The following PTPRG variants were observed in gnomAD, a reference collection of about 807,000 sequenced individuals.
PTPRG encodes receptor-type tyrosine-protein phosphatase gamma.
PTPRG carries 102 observed loss-of-function variants against 165.3 expected under a neutral mutation model. The ratio of observed to expected loss-of-function variants is 0.62; its 90% CI spans 0.53 to 0.73. The LOEUF (loss-of-function observed/expected upper bound fraction) is 0.73, where lower values mean the gene tolerates loss of function less well. PTPRG is among the 30% of genes least tolerant of loss of function. The pLI, the probability that PTPRG is intolerant of heterozygous loss-of-function variation, is 0.00. For missense variants in PTPRG, 1,866 were observed against 1,861.4 expected (o/e 1.00, Z -0.05); for synonymous variants, 675 against 669.5 (o/e 1.01, Z -0.13).
chr3:62,000,762 C>G (rs2041154995), intron 3 of PTPRG, among the ~76,000 whole-genome samples: 1 of 152,172 alleles, frequency 6.6e-6, no homozygotes, highest in Non-Finnish European at 1.5e-5. Context: ...AGAGTTACAC[C>G]TGTGTGGCCA....
In PTPRG at chr3:62,219,028, TG is replaced by T; in HGVS notation, c.2288+47del. 1 of 1,605,642 alleles carries T rather than the reference TG, an allele frequency of 6.2e-7. No homozygotes were observed. Among genetic ancestry groups the T allele is most frequent in the Non-Finnish European group, 8.5e-7 (1 of 1,175,858 alleles). On this transcript the variant is annotated intron_variant, in intron 13 of 29. Transcript: ENST00000474889. The surrounding 1 kb of genome is among the most constrained non-coding windows in gnomAD (Gnocchi z 4.5). Reference sequence around the variant, plus strand: ...CAGCGTAGATTTGGGGGCCAGATGCTGGCCAGGTTTTGCTCACGGGAGGGGA... The same window carrying T: ...CAGCGTAGATTTGGGGGCCAGATGCTGCCAGGTTTTGCTCACGGGAGGGGA...
At chr3:62,120,326 A>G (rs1213751554) in intron 5 of PTPRG, among the ~76,000 whole-genome samples, 1 of 75,182 alleles carries the variant, frequency 1.3e-5, no homozygotes, top group Non-Finnish European at 3.4e-5. Flanking sequence ...TGCATTTAGG[A>G]GGTAGAATCT....
chr3:61,584,442 T>A (rs938824169), intron 1 of PTPRG, among the ~76,000 whole-genome samples: 5 of 152,184 alleles, frequency 3.3e-5, no homozygotes, highest in Non-Finnish European at 7.3e-5. Context: ...TGTCCCTCGC[T>A]CCATTTCCTT....
chr3:61,738,058 G>A (rs1302387932), intron 1 of PTPRG, among the ~76,000 whole-genome samples: 3 of 149,952 alleles, frequency 2.0e-5, no homozygotes, highest in African/African-American at 7.3e-5. Flanking sequence ...ACAGGCGCCC[G>A]CTACCGCACC....
intron 2 of PTPRG, among the ~76,000 whole-genome samples, chr3:61,988,314 T>G (rs2040808058): frequency 6.6e-6 from 1 of 152,208 alleles, no homozygotes; most frequent in African/African-American, 2.4e-5. Context: ...GAAAATACTT[T>G]CTGTGATTGT....
At chr3:61,631,692 A>G (rs1701778981) in intron 1 of PTPRG, among the ~76,000 whole-genome samples, 1 of 152,218 alleles carries the variant, frequency 6.6e-6, no homozygotes, top group Non-Finnish European at 1.5e-5. Context: ...TGTGTTTTCA[A>G]AAGTAGTTTA....
chr3:61,641,462 G>A (rs1173760964), intron 1 of PTPRG, among the ~76,000 whole-genome samples: 3 of 152,174 alleles, frequency 2.0e-5, no homozygotes, highest in South Asian at 2.1e-4. Context: ...GGGAGAGAAA[G>A]TTTTCACATG....
intron 4 of PTPRG, among the ~76,000 whole-genome samples, chr3:62,040,939 G>A (rs1014274979): frequency 6.6e-5 from 10 of 152,166 alleles, no homozygotes; most frequent in African/African-American, 2.4e-4. Flanking sequence ...GAGGCAACAT[G>A]GGAGACAGAC....
intron 2 of PTPRG, chr3:61,769,311 C>G (rs1300890252): frequency 6.6e-6 from 1 of 151,990 alleles, no homozygotes; most frequent in Non-Finnish European, 1.5e-5. Context: ...CTCTGTCGCC[C>G]AGGCTGGAGT....
At chr3:61,759,283 T>C (rs540411039) in intron 2 of PTPRG, among the ~76,000 whole-genome samples, 1 of 152,362 alleles carries the variant, frequency 6.6e-6, no homozygotes, top group East Asian at 1.9e-4. Flanking sequence ...GTATATAACA[T>C]AGAACTTTGC....
chr3:61,968,891 C>T (rs906179018), intron 2 of PTPRG, among the ~76,000 whole-genome samples: 1 of 152,160 alleles, frequency 6.6e-6, no homozygotes, highest in Admixed American at 6.5e-5. Context: ...TAATGATTCT[C>T]ATAGCTCACC....
intron 2 of PTPRG, among the ~76,000 whole-genome samples, chr3:61,881,366 G>A (rs1187049259): frequency 1.3e-5 from 2 of 152,296 alleles, no homozygotes; most frequent in Middle Eastern, 3.4e-3. Flanking sequence ...GAGAACAATG[G>A]TGGTGGTAAC....
intron 2 of PTPRG, among the ~76,000 whole-genome samples, chr3:61,940,150 T>G (rs1378172558): frequency 1.3e-5 from 2 of 152,008 alleles, no homozygotes; most frequent in African/African-American, 4.8e-5. Context: ...TTTTACCAGG[T>G]TGGCCAGGCT....
chr3:61,927,943 C>A (rs1378042353), intron 2 of PTPRG, among the ~76,000 whole-genome samples: 1 of 152,028 alleles, frequency 6.6e-6, no homozygotes, highest in African/African-American at 2.4e-5. Flanking sequence ...AGGGATGGGG[C>A]AGGAAGGTGG....
At chr3:61,670,749 A>T (rs1702953041) in intron 1 of PTPRG, among the ~76,000 whole-genome samples, 1 of 152,124 alleles carries the variant, frequency 6.6e-6, no homozygotes, top group South Asian at 2.1e-4. Context: ...TTTTCACAAC[A>T]CGGGGAATTT....
At chr3:61,609,614 C>T (rs78928909) in intron 1 of PTPRG, among the ~76,000 whole-genome samples, 4,909 of 152,054 alleles carry the variant, frequency 0.032, 107 homozygotes, top group Non-Finnish European at 0.05. Context: ...CCTTGCACTT[C>T]GTGAGGCCGA....
At chr3:62,017,606 A>G (rs1171063390) in intron 4 of PTPRG, among the ~76,000 whole-genome samples, 3 of 82,398 alleles carry the variant, frequency 3.6e-5, no homozygotes, top group South Asian at 3.9e-4. Flanking sequence ...TTTTTTTTTT[A>G]GTAGAGACGG....
chr3:62,008,677 G>A (rs1476598), intron 4 of PTPRG, among the ~76,000 whole-genome samples: 133,985 of 152,266 alleles, frequency 0.88, 59,257 homozygotes, highest in East Asian at 1. Flanking sequence ...CAGTTTTTCC[G>A]TGGACTGGGT....
At chr3:62,119,530 C>G (rs35439467) in intron 5 of PTPRG, among the ~76,000 whole-genome samples, 16,886 of 152,202 alleles carry the variant, frequency 0.11, 988 homozygotes, top group South Asian at 0.12. Flanking sequence ...CATGGAAATC[C>G]TGGAAGAATC....
Sources: allele counts gnomAD v4.1 joint callset (sites outside exome capture counted in the v4.1 genomes callset), GRCh38; gene constraint gnomAD v4.1.1; non-coding constraint Gnocchi (gnomAD v3.1); transcripts MANE v1.5; gene names NCBI Gene and HGNC (gene_info 2026-07-23, HGNC 2026-07-21).